Variants in GNAS observed in about 807,000 individuals in gnomAD.
GNAS encodes the protein protein ALEX.
In GNAS, 8 loss-of-function variants were observed where a neutral mutation model predicts 54.5. The observed-to-expected ratio is 0.15, with a 90% CI of 0.09 to 0.26. The LOEUF (loss-of-function observed/expected upper bound fraction) is 0.26. Among genes scored for constraint, GNAS ranks in the 10% least tolerant of loss-of-function variants. The pLI, the probability that GNAS is intolerant of heterozygous loss-of-function variation, is 1.00. For synonymous variants in GNAS, 204 were observed against 191.4 expected (o/e 1.07, Z -0.54); for missense variants, 170 against 529.8 (o/e 0.32, Z 6.67).
At chr20:58,903,026 G>T (rs1010012653) in intron 3 of GNAS, 1 of 233,460 alleles carries the variant, frequency 4.3e-6, no homozygotes, top group South Asian at 5.7e-5. Flanking sequence ...GTGAGCCACC[G>T]CACCCGGGCT....
rs1346510547 is a variant in GNAS, at chr20:58,891,666, GAGGCCGCCCGCGCCCGCCGCCGCCGC to G, written c.-58_-33del. 27 of 969,342 alleles carry G rather than the reference GAGGCCGCCCGCGCCCGCCGCCGCCGC, an allele frequency of 2.8e-5. No individual in the cohort carries two copies. Among genetic ancestry groups the G allele is most frequent in the Admixed American group, 2.0e-4 (3 of 15,026 alleles). The allele number at this position is 969,342 out of a possible 1,614,324, so 60.0% of individuals were successfully genotyped here. On this transcript the variant is annotated 5_prime_UTR_variant, in exon 1 of 13. Transcript: ENST00000371085. The stretch of plus-strand genomic sequence containing the variant: ...CTGCCCCGGCCCTCCCGGCCCGCGT[GAGGCCGCCCGCGCCCGCCGCCGCCGC>G]AGCCCGGCCGCGCCCCGCCGCCGCC...
In GNAS at chr20:58,859,113, T is replaced by C. The variant is rs146612697; in HGVS notation, c.43+18227T>C. Among the ~76,000 whole-genome samples the C allele has an allele frequency of 7.0e-3, 1,061 of 152,356 alleles. 9 individuals are homozygous for C. The highest frequency in any genetic ancestry group is 0.024 in the African/African-American group (993 of 41,584). ...AGAATTGGGGGTCATCCCCTTACTG[T>C]ATGTATCCTCCTAACTTGAAAAGGA... is the stretch of plus-strand genomic sequence containing the variant. On this transcript the variant is annotated intron_variant, in intron 1 of 12. Coordinates refer to the GNAS transcript ENST00000306090.
intron 1 of GNAS, among the ~76,000 whole-genome samples, chr20:58,858,815 T>C (rs1374913186): frequency 6.6e-6 from 1 of 152,150 alleles, no homozygotes; most frequent in Non-Finnish European, 1.5e-5. Flanking sequence ...TTTTTTAACA[T>C]ACAGCCATTT....
At chr20:58,877,725 G>A (rs981403588) in intron 1 of GNAS, among the ~76,000 whole-genome samples, 6 of 152,200 alleles carry the variant, frequency 3.9e-5, no homozygotes, top group East Asian at 1.9e-4. Context: ...AAGCAAGAAC[G>A]AGAGAACGGC....
chr20:58,866,532 C>T (rs2087076290), intron 1 of GNAS, among the ~76,000 whole-genome samples: 1 of 152,192 alleles, frequency 6.6e-6, no homozygotes, highest in South Asian at 2.1e-4. Flanking sequence ...AAACAGTGGT[C>T]TAAGCCCCTA....
At chr20:58,889,222 C>CGGCG (rs1555882377), upstream of GNAS, 365 of 1,199,924 alleles carry the variant, frequency 3.0e-4, no homozygotes, top group Admixed American at 7.3e-4. Flanking sequence ...AGGTGGCTGG[C>CGGCG]CGGCGCGGCG....
intron 2 of GNAS, among the ~76,000 whole-genome samples, chr20:58,896,104 CCT>C (rs990336156): frequency 6.6e-6 from 1 of 152,184 alleles, no homozygotes; most frequent in African/African-American, 2.4e-5. Context: ...CCCCACCCCA[CCT>C]CACGCAGATT....
At chr20:58,842,536 G>T (rs1256511947) in intron 1 of GNAS, 8 of 398,518 alleles carry the variant, frequency 2.0e-5, no homozygotes, top group Admixed American at 4.4e-5. Flanking sequence ...GGATGCTTTT[G>T]TGGTCTTCCC....
In GNAS at chr20:58,853,689, G is replaced by T. The variant is rs1230333100; in HGVS notation, c.43+12803G>T. On this transcript the variant is annotated intron_variant, in intron 1 of 12. Coordinates refer to the GNAS transcript ENST00000306090. The surrounding 1 kb of genome is among the most constrained non-coding windows in gnomAD (Gnocchi z 4.4). ...CTTCGGCCCAGCACTCATGGAGCCCGGAGCCTTCAGTGGTGCCAGACCAGG... is the reference window on the plus strand; with the variant it reads ...CTTCGGCCCAGCACTCATGGAGCCCTGAGCCTTCAGTGGTGCCAGACCAGG... 2.5e-6 allele frequency: 4 copies of T among 1,613,568 alleles called. No individual in the cohort carries two copies. In the East Asian group the frequency reaches 8.9e-5, roughly 36 times the overall value.
In GNAS at chr20:58,909,946, T is replaced by C. The variant is rs769398612; in HGVS notation, c.840-5T>C. On this transcript the variant is annotated splice_polypyrimidine_tract_variant and splice_region_variant and intron_variant, in intron 10 of 12. Coordinates refer to ENST00000371085, the MANE Select transcript of GNAS (RefSeq NM_000516.7). This position sits in a 1 kb window ranked among gnomAD's most constrained non-coding sequence, Gnocchi z 7.3. Reference sequence around the variant, plus strand: ...CAAGCATTCACACGGCCTCCCTTCTTGTAGATGGCTGCGCACCATCTCTGT... The same window carrying C: ...CAAGCATTCACACGGCCTCCCTTCTCGTAGATGGCTGCGCACCATCTCTGT... 1.3e-5 allele frequency: 21 copies of C among 1,613,930 alleles called. No individual in the cohort carries two copies. Among genetic ancestry groups the C allele is most frequent in the Admixed American group, 1.7e-5 (1 of 60,000 alleles).
chr20:58,902,166 G>A (rs1016879468), intron 3 of GNAS, among the ~76,000 whole-genome samples: 5 of 152,008 alleles, frequency 3.3e-5, no homozygotes, highest in Non-Finnish European at 5.9e-5. Flanking sequence ...AGGCAGGACC[G>A]TAGCACCTTT....
intron 1 of GNAS, among the ~76,000 whole-genome samples, chr20:58,893,475 A>G (rs1488461352): frequency 6.6e-6 from 1 of 152,192 alleles, no homozygotes; most frequent in Non-Finnish European, 1.5e-5. Context: ...TTTCAACAAA[A>G]CAGCTTGAGT....
chr20:58,885,104 C>T (rs2088499787), intron 1 of GNAS: 1 of 152,222 alleles, frequency 6.6e-6, no homozygotes, highest in Non-Finnish European at 1.5e-5. Context: ...TTAGCTTCCC[C>T]CTTCTTGAGG....
intron 2 of GNAS, among the ~76,000 whole-genome samples, chr20:58,896,905 A>G (rs1030498723): frequency 6.6e-6 from 1 of 152,180 alleles, no homozygotes; most frequent in African/African-American, 2.4e-5. Flanking sequence ...AAAACAAACA[A>G]AAAAACCTTT....
At chr20:58,891,138 G>A (rs1287247838), upstream of GNAS, among the ~76,000 whole-genome samples, 1 of 148,506 alleles carries the variant, frequency 6.7e-6, no homozygotes, top group East Asian at 2.1e-4. Flanking sequence ...GGGGGTGGGG[G>A]GCGTCTCCCC....
At chr20:58,854,267 C>T (rs1480150042) in intron 1 of GNAS, 2 of 1,612,428 alleles carry the variant, frequency 1.2e-6, no homozygotes, top group South Asian at 1.1e-5. Context: ...CGCTTGACGG[C>T]CCGCCCATCA....
At chr20:58,862,553 T>G (rs2145636084) in intron 1 of GNAS, among the ~76,000 whole-genome samples, 1 of 152,004 alleles carries the variant, frequency 6.6e-6, no homozygotes, top group South Asian at 2.1e-4. Context: ...TTTCTGTTGT[T>G]GCTGGGTTTT....
upstream of GNAS, chr20:58,889,021 C>G: frequency 1.0e-6 from 1 of 981,874 alleles, no homozygotes; most frequent in Non-Finnish European, 1.2e-6. Context: ...GGCCTGCACC[C>G]CCAGGGTGCG....
At chr20:58,906,871 T>C (rs2091098723) in intron 6 of GNAS, among the ~76,000 whole-genome samples, 1 of 152,212 alleles carries the variant, frequency 6.6e-6, no homozygotes, top group South Asian at 2.1e-4. Flanking sequence ...GCTGCAGAAA[T>C]GCACAAAGCA....
Sources: allele counts gnomAD v4.1 joint callset (sites outside exome capture counted in the v4.1 genomes callset), GRCh38; gene constraint gnomAD v4.1.1; non-coding constraint Gnocchi (gnomAD v3.1); transcripts MANE v1.5; gene names NCBI Gene and HGNC (gene_info 2026-07-23, HGNC 2026-07-21).